CDH13: variants seen among roughly 807,000 people sequenced by gnomAD.
CDH13 encodes cadherin 13.
A neutral mutation model predicts 63.8 loss-of-function variants in CDH13; 24 were observed. The ratio of observed to expected loss-of-function variants is 0.38; its 90% confidence interval spans 0.27 to 0.53. The LOEUF (loss-of-function observed/expected upper bound fraction) is 0.53. Ranked by LOEUF, CDH13 falls within the 20% of genes least tolerant of loss-of-function variation. CDH13 has a pLI of 0.85. For synonymous variants in CDH13, 503 were observed against 355.3 expected, an observed-to-expected ratio of 1.42 and a Z score of -4.67; for missense variants, 1,049 against 903.1, an observed-to-expected ratio of 1.16 and a Z score of -2.07.
intron 2 of CDH13, among the ~76,000 whole-genome samples, chr16:82,937,167 A>C (rs143017051): frequency 6.6e-6 from 1 of 152,312 alleles, no homozygotes; most frequent in East Asian, 1.9e-4. Context: ...TGGTCACGCT[A>C]CTGCTGCATT....
Position 82,626,992 on chromosome 16 carries a change from G to A in CDH13, c.-101G>A, listed in dbSNP as rs1023614101. The A allele has an allele frequency of 3.6e-6, 5 of 1,379,226 alleles. No homozygotes were observed. The African/African-American group carries it at 7.2e-5, about 20-fold the overall frequency. The allele number at this position is 1,379,226 out of a possible 1,614,324, so 85.4% of individuals were successfully genotyped here. On this transcript the variant is annotated 5_prime_UTR_variant, in exon 1 of 14. Coordinates refer to ENST00000567109, the MANE Select transcript of CDH13 (RefSeq NM_001257.5). ...CTATTTGGGAAGTTGGCTGGCTGGC[G>A]AGGCAGAGCCTCTCCTCAAAGCCTG...
At chr16:83,016,507 G>T (rs1324113705) in intron 2 of CDH13, among the ~76,000 whole-genome samples, 1 of 152,146 alleles carries the variant, frequency 6.6e-6, no homozygotes. Flanking sequence ...ATTACCAAAG[G>T]GCAGGTTAGG....
chr16:83,549,009 A>G (rs929708237), intron 7 of CDH13, among the ~76,000 whole-genome samples: 1 of 152,170 alleles, frequency 6.6e-6, no homozygotes, highest in Non-Finnish European at 1.5e-5. Flanking sequence ...TCATCTGCAT[A>G]ATTTTCTTCC....
At chr16:83,458,514 T>C (rs552683231) in intron 6 of CDH13, among the ~76,000 whole-genome samples, 2 of 152,342 alleles carry the variant, frequency 1.3e-5, no homozygotes, top group South Asian at 2.1e-4. Flanking sequence ...TATGGAGTTA[T>C]AGAATGGAGT....
intron 2 of CDH13, among the ~76,000 whole-genome samples, chr16:82,900,353 A>G (rs1290397661): frequency 2.6e-5 from 4 of 152,228 alleles, no homozygotes; most frequent in African/African-American, 9.6e-5. Flanking sequence ...TTACTTGGTT[A>G]TTAATGATCT....
intron 3 of CDH13, among the ~76,000 whole-genome samples, chr16:83,050,199 C>T (rs979019223): frequency 3.9e-5 from 6 of 152,208 alleles, no homozygotes; most frequent in African/African-American, 7.2e-5. Flanking sequence ...TGCCTACTGT[C>T]GCCATAACTC....
At chr16:82,902,116 A>G (rs1231762910) in intron 2 of CDH13, among the ~76,000 whole-genome samples, 1 of 152,172 alleles carries the variant, frequency 6.6e-6, no homozygotes, top group African/African-American at 2.4e-5. Context: ...GCCCATTTTA[A>G]AGCAGGAAAG....
rs11330492 is a variant in CDH13, at chr16:82,676,486, CTTT to C, written c.45+49368_45+49370del. Among the ~76,000 whole-genome samples the C allele has an allele frequency of 5.3e-3, 510 of 96,318 alleles. 4 individuals carry two copies. The highest frequency in any genetic ancestry group is 0.018 in the African/African-American group (465 of 26,274). 63.2% of individuals were successfully genotyped at this position (96,318 alleles called of 152,430 possible). A position where few individuals can be genotyped will look rare whatever the true frequency, so the allele number is the denominator to read the frequency against. ...ATCCTAATCTGAGCTACCATCATTT[CTTT>C]TTTTTTTTTTTTTTTTTTGCCTTGA... On this transcript the variant is annotated intron_variant, in intron 1 of 13. Coordinates refer to ENST00000567109, the MANE Select transcript of CDH13 (RefSeq NM_001257.5).
intron 1 of CDH13, among the ~76,000 whole-genome samples, chr16:82,791,302 A>G (rs528386528): frequency 6.6e-6 from 1 of 152,264 alleles, no homozygotes; most frequent in East Asian, 1.9e-4. Context: ...CCACTTTTAA[A>G]CACGGGGCTT....
intron 7 of CDH13, among the ~76,000 whole-genome samples, chr16:83,512,518 A>C (rs972406374): frequency 1.3e-5 from 2 of 150,884 alleles, no homozygotes; most frequent in Non-Finnish European, 3.0e-5. Context: ...AAATACAAAA[A>C]TTAGCCAGGT....
intron 5 of CDH13, among the ~76,000 whole-genome samples, chr16:83,273,711 ACTGTTTGTTGAT>A (rs2088895861): frequency 6.6e-6 from 1 of 152,162 alleles, no homozygotes; most frequent in African/African-American, 2.4e-5. Context: ...CAAGTTAACT[ACTGTTTGTTGAT>A]CTCTTGTGGT....
At chr16:83,394,891 T>C (rs1220044260) in intron 6 of CDH13, among the ~76,000 whole-genome samples, 1 of 152,160 alleles carries the variant, frequency 6.6e-6, no homozygotes, top group South Asian at 2.1e-4. Context: ...CTCATGCCTG[T>C]AATCCCAACA....
At chr16:83,178,155 C>T (rs2038203514) in intron 4 of CDH13, among the ~76,000 whole-genome samples, 1 of 152,162 alleles carries the variant, frequency 6.6e-6, no homozygotes, top group Non-Finnish European at 1.5e-5. Context: ...AAGGTTGATC[C>T]AGATTAGGGT....
intron 5 of CDH13, among the ~76,000 whole-genome samples, chr16:83,338,184 T>TAAAAAA (rs5818440): frequency 2.2e-5 from 3 of 135,082 alleles, no homozygotes; most frequent in Admixed American, 7.5e-5. Context: ...CTCTTCTTTT[T>TAAAAAA]AAAAAAAAAA....
At chr16:83,108,797 G>A (rs529558235) in intron 3 of CDH13, among the ~76,000 whole-genome samples, 2 of 152,274 alleles carry the variant, frequency 1.3e-5, no homozygotes, top group South Asian at 4.1e-4. Context: ...CAAGCCTAGA[G>A]AATGTGTACC....
At chr16:83,055,225 G>C (rs2030794378) in intron 3 of CDH13, among the ~76,000 whole-genome samples, 1 of 152,014 alleles carries the variant, frequency 6.6e-6, no homozygotes, top group African/African-American at 2.4e-5. Context: ...ATATAAATCA[G>C]AGAACACCAA....
chr16:82,695,074 G>T (rs1851657035), intron 1 of CDH13, among the ~76,000 whole-genome samples: 1 of 152,112 alleles, frequency 6.6e-6, no homozygotes. Context: ...GCAAAGTCCT[G>T]TCGGCTGGAG....
intron 3 of CDH13, among the ~76,000 whole-genome samples, chr16:83,040,635 C>G (rs186912665): frequency 6.6e-6 from 1 of 152,192 alleles, no homozygotes; most frequent in African/African-American, 2.4e-5. Flanking sequence ...CCCACCCAGA[C>G]TGAGGGTGGG....
chr16:83,270,940 C>T (rs930495150), intron 5 of CDH13, among the ~76,000 whole-genome samples: 2 of 148,002 alleles, frequency 1.4e-5, no homozygotes, highest in Admixed American at 6.8e-5. Context: ...TTCTCTTTCC[C>T]TTCCTCCCTC....
Sources: allele counts gnomAD v4.1 joint callset (sites outside exome capture counted in the v4.1 genomes callset), GRCh38; gene constraint gnomAD v4.1.1; transcripts MANE v1.5; gene names NCBI Gene and HGNC (gene_info 2026-07-23, HGNC 2026-07-21).